ASB4: variants seen among roughly 807,000 people sequenced by gnomAD.
The protein encoded by ASB4 is ankyrin repeat and SOCS box containing 4.
In ASB4, 35 loss-of-function variants were observed where a neutral mutation model predicts 38.6. That is an observed-to-expected ratio of 0.91 (90% confidence interval 0.69 to 1.20). The LOEUF is 1.20. Ranked by LOEUF, ASB4 falls within the 50% of genes most tolerant of loss-of-function variation. The probability of loss-of-function intolerance (pLI) is 0.00; values close to 1 mark genes in which losing one functional copy is unlikely to be tolerated. For synonymous variants in ASB4, 195 were observed against 201.3 expected (o/e 0.97, Z 0.26); for missense variants, 557 against 527.2 (o/e 1.06, Z -0.55).
rs200806128 is a variant in ASB4, at chr7:95,487,403, AAACT to A, written c.187+1248_187+1251del. On this transcript the variant is annotated intron_variant, in intron 1 of 4. Transcript: ENST00000325885. ...TTCAGTGATAGAATGTCTGAATGCT[AAACT>A]AATTTTTAAGATGTTTTTAAAAAGC... Among the ~76,000 whole-genome samples the A allele has an allele frequency of 3.0e-3, 451 of 152,340 alleles. 7 individuals carry two copies. The highest frequency in any genetic ancestry group is 0.026 in the Admixed American group (403 of 15,298).
At chr7:95,474,161 A>C (rs1789952815), upstream of ASB4, among the ~76,000 whole-genome samples, 1 of 152,194 alleles carries the variant, frequency 6.6e-6, no homozygotes, top group Non-Finnish European at 1.5e-5. Context: ...GACTTTTCTG[A>C]CTTCAAATTA....
the ASB4 span, among the ~76,000 whole-genome samples, chr7:95,546,088 C>T: frequency 6.6e-6 from 1 of 152,192 alleles, no homozygotes; most frequent in East Asian, 1.9e-4. Context: ...GGCCCAGTTC[C>T]CACCTTTGTA....
chr7:95,501,197 A>G (rs565387494), intron 2 of ASB4, among the ~76,000 whole-genome samples: 9 of 152,212 alleles, frequency 5.9e-5, no homozygotes, highest in African/African-American at 2.2e-4. Flanking sequence ...TTTACTCTGC[A>G]TGAAGCAAAT....
chr7:95,476,802 G>A (rs1345996046), upstream of ASB4, among the ~76,000 whole-genome samples: 1 of 152,170 alleles, frequency 6.6e-6, no homozygotes, highest in African/African-American at 2.4e-5. Flanking sequence ...AGAATCTGGA[G>A]ACACATGGTA....
the ASB4 span, among the ~76,000 whole-genome samples, chr7:95,549,848 C>T: frequency 3.3e-5 from 5 of 152,124 alleles, no homozygotes; most frequent in Non-Finnish European, 4.4e-5. Flanking sequence ...CTAATCCTTC[C>T]TTCTGCTCAA....
At chr7:95,483,829 T>TA (rs1366698300), upstream of ASB4, among the ~76,000 whole-genome samples, 1 of 152,062 alleles carries the variant, frequency 6.6e-6, no homozygotes, top group African/African-American at 2.4e-5. Flanking sequence ...AACAATAGCA[T>TA]AAAACAGACT....
intron 2 of ASB4, among the ~76,000 whole-genome samples, chr7:95,517,983 T>C (rs1790608011): frequency 6.6e-6 from 1 of 152,186 alleles, no homozygotes; most frequent in African/African-American, 2.4e-5. Context: ...TGGAGCAATG[T>C]TCTACTGCTG....
chr7:95,507,136 T>C (rs544126278), intron 2 of ASB4, among the ~76,000 whole-genome samples: 1 of 152,266 alleles, frequency 6.6e-6, no homozygotes, highest in South Asian at 2.1e-4. Flanking sequence ...TAGAGGTTTT[T>C]TGTTTGTTTG....
chr7:95,544,876 G>C (rs1223884820), downstream of ASB4, among the ~76,000 whole-genome samples: 1 of 151,664 alleles, frequency 6.6e-6, no homozygotes, highest in Non-Finnish European at 1.5e-5. Flanking sequence ...TCTATTTTTT[G>C]ATAGACAGGG....
At chr7:95,530,411 G>A (rs1307044561) in intron 3 of ASB4, among the ~76,000 whole-genome samples, 1 of 152,174 alleles carries the variant, frequency 6.6e-6, no homozygotes, top group Admixed American at 6.5e-5. Context: ...GTTGCAGTGA[G>A]CCGAGATTGT....
upstream of ASB4, chr7:95,473,740 T>G (rs978291663): frequency 6.6e-6 from 1 of 152,100 alleles, no homozygotes; most frequent in Non-Finnish European, 1.5e-5. Flanking sequence ...TTGAGGCATT[T>G]GCAATCATTG....
In ASB4 at chr7:95,528,012, G is replaced by A. The variant is rs776470206; in HGVS notation, c.687G>A (p.Thr229=). ...GCTTTAAGGAGCAGGAGTACAGCAC[G>A]GAGCACCACCTGGTCTGCCGCATGC... The part of the protein sequence containing the change: ...ALRFKEQEYS[T]EHHLVCRMLL... Residue 229 remains threonine (T), a synonymous_variant, in exon 3 of 5, where the codon ACG becomes ACA. Transcript: ENST00000325885. 6.2e-7 allele frequency: 1 copy of A among 1,614,100 alleles called. No individual in the cohort carries two copies. The highest frequency in any genetic ancestry group is 1.7e-5 in the Admixed American group (1 of 60,016).
the ASB4 span, among the ~76,000 whole-genome samples, chr7:95,547,153 C>T: frequency 2.8e-4 from 43 of 152,142 alleles, 1 homozygote; most frequent in African/African-American, 1.0e-3. Flanking sequence ...TAAAATTTAC[C>T]AATAGTGAAA....
At chr7:95,483,461 G>A (rs1326455661), upstream of ASB4, among the ~76,000 whole-genome samples, 2 of 152,214 alleles carry the variant, frequency 1.3e-5, no homozygotes, top group African/African-American at 2.4e-5. Context: ...TTTACCTAAA[G>A]AGACTGCTAA....
rs775225728 is a variant in ASB4, at chr7:95,486,143, G to A, written c.172G>A (p.Ala58Thr). ...AGTCGAAGATGAGAATATGGTTTTG[G>A]CATCTTATAAACAAGGTAAAAACAT... ...FEVEDENMVL[A>T]SYKQGYWLPS... The change falls in exon 1 of 5, where the codon GCA becomes ACA. Residue 58 changes from alanine (A) to threonine (T), a missense_variant. Ala to Thr is a moderately conservative substitution (Grantham distance 58). Coordinates refer to ENST00000325885, the MANE Select transcript of ASB4 (RefSeq NM_016116.3). 1.1e-5 allele frequency: 17 copies of A among 1,613,294 alleles called. No homozygotes were observed. In the Admixed American group the frequency reaches 2.7e-4, roughly 25 times the overall value.
chr7:95,491,281 C>G (rs1213364971), intron 1 of ASB4, among the ~76,000 whole-genome samples: 6 of 152,132 alleles, frequency 3.9e-5, no homozygotes, highest in Non-Finnish European at 2.9e-5. Context: ...GCTTCTTATT[C>G]AAACAGAACT....
chr7:95,473,743 A>G (rs1789947496), upstream of ASB4: 1 of 151,984 alleles, frequency 6.6e-6, no homozygotes, highest in Admixed American at 6.6e-5. Flanking sequence ...AGGCATTTGC[A>G]ATCATTGCTG....
chr7:95,530,682 C>A (rs1389220175), intron 3 of ASB4, among the ~76,000 whole-genome samples: 2 of 151,984 alleles, frequency 1.3e-5, no homozygotes, highest in South Asian at 2.1e-4. Context: ...GTTTGCAGAC[C>A]ATATATGTCG....
chr7:95,518,097 A>G (rs1298973194), intron 2 of ASB4, among the ~76,000 whole-genome samples: 3 of 152,232 alleles, frequency 2.0e-5, no homozygotes, highest in African/African-American at 4.8e-5. Context: ...TGAATTAGTC[A>G]GCATTTCTGT....
Sources: allele counts gnomAD v4.1 joint callset (sites outside exome capture counted in the v4.1 genomes callset), GRCh38; gene constraint gnomAD v4.1.1; transcripts MANE v1.5; gene names NCBI Gene and HGNC (gene_info 2026-07-23, HGNC 2026-07-21).